MYO18B: variants seen among roughly 807,000 people sequenced by gnomAD.
MYO18B encodes the protein unconventional myosin-XVIIIb.
Under a neutral mutation model 273.0 loss-of-function variants are expected in MYO18B, and 204 were observed. The ratio of observed to expected loss-of-function variants is 0.75; its 90% confidence interval spans 0.67 to 0.84. The LOEUF (loss-of-function observed/expected upper bound fraction) is 0.84, where lower values mean the gene tolerates loss of function less well. MYO18B is among the 40% of genes least tolerant of loss of function. The probability of loss-of-function intolerance (pLI) is 0.00; values close to 1 mark genes in which losing one functional copy is unlikely to be tolerated. For missense variants in MYO18B, 3,212 were observed against 3,287.6 expected, an observed-to-expected ratio of 0.98 and a Z score of 0.56; for synonymous variants, 1,330 against 1,305.7, an observed-to-expected ratio of 1.02 and a Z score of -0.40.
chr22:25,814,294 C>CTTTTTTTTTTTTTTT lies in MYO18B; in HGVS notation c.2522-9182_2522-9168dup, dbSNP rs398036691. Among the ~76,000 whole-genome samples, 21 of 59,430 alleles carry CTTTTTTTTTTTTTTT rather than the reference C, an allele frequency of 3.5e-4. 3 individuals carry two copies. Among genetic ancestry groups the CTTTTTTTTTTTTTTT allele is most frequent in the South Asian group, 1.3e-3 (2 of 1,560 alleles). 39.0% of individuals were successfully genotyped at this position (59,430 alleles called of 152,430 possible). A position where few individuals can be genotyped will look rare whatever the true frequency, so the allele number is the denominator to read the frequency against. On this transcript the variant is annotated intron_variant, in intron 12 of 43. Coordinates refer to ENST00000335473, the MANE Select transcript of MYO18B (RefSeq NM_032608.7). ...GCTTGCCATGCTCCCAGGCACCGTT[C>CTTTTTTTTTTTTTTT]TTTTTTTTTTTTTTTTTTTTTTTTT...
At chr22:25,792,497 CTTTTTTTTTTT>C (rs58679561) in intron 11 of MYO18B, among the ~76,000 whole-genome samples, 1 of 107,956 alleles carries the variant, frequency 9.3e-6, no homozygotes, top group African/African-American at 3.7e-5. Context: ...TTTTTCTTTT[CTTTTTTTTTTT>C]TTTTTGAGAC....
At chr22:25,986,498 G>A (rs1200652829) in intron 39 of MYO18B, among the ~76,000 whole-genome samples, 1 of 151,976 alleles carries the variant, frequency 6.6e-6, no homozygotes, top group East Asian at 1.9e-4. Context: ...TGACTCTGAG[G>A]GTTTCAATAA....
chr22:26,029,190 G>A (rs768371464), intron 43 of MYO18B, among the ~76,000 whole-genome samples: 17 of 152,154 alleles, frequency 1.1e-4, no homozygotes, highest in African/African-American at 4.8e-5. Context: ...ATGAGCCTTC[G>A]TAAATCTCCC....
the MYO18B span, among the ~76,000 whole-genome samples, chr22:26,056,009 T>TAA: frequency 1.4e-5 from 2 of 146,922 alleles, no homozygotes; most frequent in South Asian, 2.2e-4. Flanking sequence ...CTTGGATTAA[T>TAA]AAAAAAAAAA....
At chr22:25,997,972 CACACACGA>C (rs1569279116) in intron 40 of MYO18B, among the ~76,000 whole-genome samples, 10 of 110,652 alleles carry the variant, frequency 9.0e-5, no homozygotes, top group Non-Finnish European at 6.2e-5. Flanking sequence ...CACACACACA[CACACACGA>C]GAGAGAGAGA....
At chr22:26,043,453 G>A in the MYO18B span, among the ~76,000 whole-genome samples, 1 of 150,844 alleles carries the variant, frequency 6.6e-6, no homozygotes, top group Non-Finnish European at 1.5e-5. Context: ...GGGTCTTAGG[G>A]TAGATATATG....
At chr22:25,742,895 C>G (rs1264958336) in intron 1 of MYO18B, among the ~76,000 whole-genome samples, 2 of 152,230 alleles carry the variant, frequency 1.3e-5, no homozygotes, top group African/African-American at 4.8e-5. Context: ...TCTTATCTGG[C>G]ACCCCGGATA....
intron 40 of MYO18B, among the ~76,000 whole-genome samples, chr22:25,993,461 A>G (rs540539164): frequency 2.4e-4 from 37 of 152,306 alleles, no homozygotes; most frequent in African/African-American, 8.2e-4. Flanking sequence ...TGAGCAGGCC[A>G]CATTAAAAGC....
intron 12 of MYO18B, among the ~76,000 whole-genome samples, chr22:25,810,363 G>T (rs574771904): frequency 6.7e-6 from 1 of 149,570 alleles, no homozygotes; most frequent in South Asian, 2.1e-4. Flanking sequence ...CTCCCAAAGT[G>T]CTGGGATTAC....
intron 42 of MYO18B, among the ~76,000 whole-genome samples, chr22:26,014,917 G>A (rs1480229769): frequency 6.8e-6 from 1 of 146,522 alleles, no homozygotes; most frequent in East Asian, 2.0e-4. Flanking sequence ...TTTTTTTCTT[G>A]TACATTTGTT....
chr22:25,990,013 C>G (rs1332294559), intron 39 of MYO18B, among the ~76,000 whole-genome samples: 1 of 152,182 alleles, frequency 6.6e-6, no homozygotes, highest in African/African-American at 2.4e-5. Flanking sequence ...TGGCTTCAAT[C>G]AACTGGGATG....
Position 25,928,613 on chromosome 22 carries a change from G to GCTTTGGATACAGCTTCCCTCCA in MYO18B, c.5517+7215_5517+7216insGCTTCCCTCCACTTTGGATACA, listed in dbSNP as rs1376785810. On this transcript the variant is annotated intron_variant, in intron 34 of 43. Transcript: ENST00000335473. ...TTCTCCCAGTTTCCCTCCACTGGGA[G>GCTTTGGATACAGCTTCCCTCCA]CTTTGGATACATCTCAGTGAACACC... 2.0e-5 allele frequency among the ~76,000 whole-genome samples: 3 copies of GCTTTGGATACAGCTTCCCTCCA among 151,986 alleles called. No individual in the cohort carries two copies. The South Asian group carries it at 6.2e-4, about 32-fold the overall frequency.
chr22:25,828,629 C>A (rs988904329), intron 14 of MYO18B, 147 bp from the exon 15 acceptor site: 1 of 678,686 alleles, frequency 1.5e-6, no homozygotes, highest in Non-Finnish European at 2.5e-6. Flanking sequence ...GAAACCCCTG[C>A]TCAGAGAGGT....
At chr22:25,969,500 C>A (rs2093013584) in intron 39 of MYO18B, among the ~76,000 whole-genome samples, 1 of 152,142 alleles carries the variant, frequency 6.6e-6, no homozygotes, top group African/African-American at 2.4e-5. Flanking sequence ...CAAACATTTA[C>A]CTATTTTCTA....
chr22:25,902,090 G>A (rs1297672125), intron 29 of MYO18B, among the ~76,000 whole-genome samples: 3 of 151,892 alleles, frequency 2.0e-5, no homozygotes, highest in African/African-American at 4.8e-5. Flanking sequence ...CTCCTTCCTC[G>A]GCCTCTCAAA....
intron 34 of MYO18B, among the ~76,000 whole-genome samples, chr22:25,942,602 G>C (rs1305555009): frequency 6.6e-6 from 1 of 152,216 alleles, no homozygotes. Context: ...CTCTGTGATG[G>C]TGAACAAGTC....
rs1373983915 is a variant in MYO18B, at chr22:25,843,736, G to T, written c.3210G>T (p.Gly1070=). The change falls in exon 18 of 44, where the codon GGG becomes GGT. Residue 1070 remains glycine (G), a splice_region_variant and synonymous_variant. Transcript: ENST00000335473. ...AFEKKGAGTE[G]SSALRTCEQP... is the part of the protein sequence containing the mutation. Reference sequence around the variant, plus strand: ...TCATGCCACCATGTCTGTTTCCAGGGTCCTCTGCCCTGCGGACCTGTGAGC... The same window carrying T: ...TCATGCCACCATGTCTGTTTCCAGGTTCCTCTGCCCTGCGGACCTGTGAGC... The T allele has an allele frequency of 6.2e-7, 1 of 1,612,190 alleles. No individual in the cohort carries two copies. The highest frequency in any genetic ancestry group is 2.2e-5 in the East Asian group (1 of 44,852).
chr22:25,784,210 C>T (rs907333121), intron 10 of MYO18B, among the ~76,000 whole-genome samples: 1 of 152,184 alleles, frequency 6.6e-6, no homozygotes, highest in African/African-American at 2.4e-5. Flanking sequence ...AATTGGGGCC[C>T]TGTCATTGTT....
chr22:26,039,467 C>T, the MYO18B span, among the ~76,000 whole-genome samples: 1 of 152,158 alleles, frequency 6.6e-6, no homozygotes, highest in African/African-American at 2.4e-5. Context: ...GTCTTAAAGG[C>T]TTACACTAGT....
Sources: allele counts gnomAD v4.1 joint callset (sites outside exome capture counted in the v4.1 genomes callset), GRCh38; gene constraint gnomAD v4.1.1; transcripts MANE v1.5; gene names NCBI Gene and HGNC (gene_info 2026-07-23, HGNC 2026-07-21).